Variants in UTS2 observed in about 807,000 individuals in gnomAD.
UTS2 encodes urotensin 2.
In UTS2, 10 loss-of-function variants were observed where a neutral mutation model predicts 12.6. That is an observed-to-expected ratio of 0.80 (90% CI 0.49 to 1.35). UTS2 has a LOEUF of 1.35. Among genes scored for constraint, UTS2 ranks in the 40% most tolerant of loss-of-function variants. The pLI is 0.00. For missense variants in UTS2, 142 were observed against 143.2 expected, an observed-to-expected ratio of 0.99 and a Z score of 0.04; for synonymous variants, 52 against 50.0, an observed-to-expected ratio of 1.04 and a Z score of -0.17.
chr1:7,903,557 T>C, the UTS2 span, among the ~76,000 whole-genome samples: 1 of 151,846 alleles, frequency 6.6e-6, no homozygotes, highest in Non-Finnish European at 1.5e-5. Context: ...CCCTGGCTAA[T>C]TTTTGTATTT....
At chr1:7,882,597 A>C in the UTS2 span, among the ~76,000 whole-genome samples, 2 of 152,242 alleles carry the variant, frequency 1.3e-5, no homozygotes, top group Non-Finnish European at 2.9e-5. Flanking sequence ...GCTGCACAGC[A>C]AAGAAAACAA....
the UTS2 span, among the ~76,000 whole-genome samples, chr1:7,874,322 G>A: frequency 6.9e-3 from 1,045 of 152,244 alleles, 1 homozygote; most frequent in Non-Finnish European, 0.011. Flanking sequence ...TTTATGATGG[G>A]TCCTACACAT....
chr1:7,853,201 G>GT, upstream of UTS2: 1 of 1,543,880 alleles, frequency 6.5e-7, no homozygotes, highest in Non-Finnish European at 8.8e-7. Flanking sequence ...ATTTTTCAAG[G>GT]TAACAAGTCA....
the UTS2 span, among the ~76,000 whole-genome samples, chr1:7,899,416 C>T: frequency 5.9e-5 from 9 of 152,106 alleles, no homozygotes; most frequent in South Asian, 4.1e-4. Context: ...TACTTTGAGT[C>T]GATGCAGTTA....
chr1:7,859,479 T>C, the UTS2 span, among the ~76,000 whole-genome samples: 17 of 151,986 alleles, frequency 1.1e-4, no homozygotes, highest in South Asian at 3.1e-3. Flanking sequence ...CTGCAGAGGG[T>C]CAGCATAGGC....
At chr1:7,855,724 C>T (rs1030866586), upstream of UTS2, among the ~76,000 whole-genome samples, 4 of 150,930 alleles carry the variant, frequency 2.7e-5, no homozygotes, top group Non-Finnish European at 5.9e-5. Context: ...TATTTTGAGA[C>T]AGGATCTCAC....
the UTS2 span, among the ~76,000 whole-genome samples, chr1:7,877,568 T>C: frequency 2.6e-5 from 4 of 152,148 alleles, no homozygotes; most frequent in Non-Finnish European, 4.4e-5. Context: ...ATAGAAAATA[T>C]ACTTAATAAA....
chr1:7,849,626 A>G lies in UTS2; in HGVS notation c.258+14T>C. ...TCACCTTTTTAAACCTAACTCATAA[A>G]TAGAGTCACTTACCTTTCTCAAATT... is the stretch of plus-strand genomic sequence containing the variant. On this transcript the variant is annotated intron_variant, in intron 3 of 3. Coordinates refer to ENST00000361696, the MANE Select transcript of UTS2 (RefSeq NM_006786.4). 2 of 1,603,870 alleles carry G rather than the reference A, an allele frequency of 1.2e-6. No individual in the cohort carries two copies. The highest frequency in any genetic ancestry group is 1.7e-4 in the Middle Eastern group (1 of 6,036).
upstream of UTS2, among the ~76,000 whole-genome samples, chr1:7,854,052 A>C (rs183347890): frequency 6.6e-6 from 1 of 152,270 alleles, no homozygotes; most frequent in East Asian, 1.9e-4. Context: ...CAACATAGAG[A>C]AACACTGTCT....
the UTS2 span, among the ~76,000 whole-genome samples, chr1:7,867,967 G>C: frequency 6.6e-6 from 1 of 152,174 alleles, no homozygotes; most frequent in Non-Finnish European, 1.5e-5. Flanking sequence ...AGTAGCCCAA[G>C]TGCACTCATA....
intron 2 of UTS2, among the ~76,000 whole-genome samples, chr1:7,849,902 C>T (rs992800309): frequency 6.6e-6 from 1 of 151,992 alleles, no homozygotes; most frequent in Non-Finnish European, 1.5e-5. Context: ...AGTCCAGTAG[C>T]TCGTCAAAGA....
the UTS2 span, among the ~76,000 whole-genome samples, chr1:7,892,878 T>A: frequency 6.6e-6 from 1 of 152,134 alleles, no homozygotes; most frequent in African/African-American, 2.4e-5. Flanking sequence ...CGTCCTTAAC[T>A]TAATCACATC....
At chr1:7,853,330 A>C (rs750842874), upstream of UTS2, 1 of 1,614,184 alleles carries the variant, frequency 6.2e-7, no homozygotes, top group Non-Finnish European at 8.5e-7. Context: ...GAATTAAAGG[A>C]AGGCTTGGAT....
chr1:7,875,220 G>T, the UTS2 span, among the ~76,000 whole-genome samples: 2 of 151,792 alleles, frequency 1.3e-5, no homozygotes, highest in African/African-American at 4.8e-5. Context: ...GACTACAGGC[G>T]CCCGCCACCA....
At chr1:7,866,666 G>A in the UTS2 span, among the ~76,000 whole-genome samples, 8 of 152,186 alleles carry the variant, frequency 5.3e-5, no homozygotes, top group Non-Finnish European at 7.4e-5. This position sits in a 1 kb window ranked among gnomAD's most constrained non-coding sequence, Gnocchi z 4.5. Flanking sequence ...GAGGGAAGGC[G>A]CTTTCTAAGC....
At chr1:7,862,220 C>A in the UTS2 span, among the ~76,000 whole-genome samples, 3 of 151,890 alleles carry the variant, frequency 2.0e-5, no homozygotes, top group African/African-American at 7.3e-5. Context: ...CCACCGCGCC[C>A]TGCCTAAAAG....
At chr1:7,862,988 GTGT>G in the UTS2 span, among the ~76,000 whole-genome samples, 8 of 28,036 alleles carry the variant, frequency 2.9e-4, 1 homozygote, top group African/African-American at 8.5e-4. Context: ...TTATTGTGTT[GTGT>G]TGTATTGTAT....
At chr1:7,891,208 C>T in the UTS2 span, among the ~76,000 whole-genome samples, 3 of 152,034 alleles carry the variant, frequency 2.0e-5, no homozygotes, top group Admixed American at 6.6e-5. Context: ...TACAAAGTAT[C>T]GGTTAGAGAG....
At chr1:7,909,606 G>C in the UTS2 span, among the ~76,000 whole-genome samples, 1 of 150,028 alleles carries the variant, frequency 6.7e-6, no homozygotes, top group Non-Finnish European at 1.5e-5. Context: ...TTTTTAAAAA[G>C]TTCTTAAACA....
Sources: allele counts gnomAD v4.1 joint callset (sites outside exome capture counted in the v4.1 genomes callset), GRCh38; gene constraint gnomAD v4.1.1; non-coding constraint Gnocchi (gnomAD v3.1); transcripts MANE v1.5; gene names NCBI Gene and HGNC (gene_info 2026-07-23, HGNC 2026-07-21).